The following CYP2R1 variants were observed in gnomAD, a reference collection of about 807,000 sequenced individuals.
CYP2R1 encodes cytochrome P450 family 2 subfamily R member 1.
A neutral mutation model predicts 45.7 loss-of-function variants in CYP2R1; 40 were observed. The observed-to-expected ratio is 0.87, with a 90% CI of 0.68 to 1.14. CYP2R1 has a LOEUF of 1.14. Ranked by LOEUF, CYP2R1 falls within the 50% of genes most tolerant of loss-of-function variation. The probability of loss-of-function intolerance (pLI) is 0.00; values close to 1 mark genes in which losing one functional copy is unlikely to be tolerated. For missense variants in CYP2R1, 605 were observed against 602.6 expected (o/e 1.00, Z -0.04); for synonymous variants, 234 against 219.3 (o/e 1.07, Z -0.59).
At chr11:14,891,787 C>T (rs1848867784) in intron 1 of CYP2R1, 194 bp downstream of exon 1, 1 of 1,402,228 alleles carries the variant, frequency 7.1e-7, no homozygotes, top group Middle Eastern at 2.7e-4. Context: ...GCGGGGCTCC[C>T]CCTGCAAGGG....
upstream of CYP2R1, chr11:14,892,291 A>G (rs1848894523): frequency 2.3e-6 from 3 of 1,331,874 alleles, no homozygotes; most frequent in South Asian, 2.5e-5. Flanking sequence ...TTGGCAGGAT[A>G]CCCTCAGGTC....
At chr11:14,890,220 GAAAAA>G (rs1162076647) in intron 1 of CYP2R1, among the ~76,000 whole-genome samples, 3 of 147,264 alleles carry the variant, frequency 2.0e-5, no homozygotes, top group Admixed American at 6.8e-5. Flanking sequence ...TCACTACCGA[GAAAAA>G]AAAAAGACTC....
intron 2 of CYP2R1, 129 bp downstream of exon 2, chr11:14,885,647 G>A (rs1195076584): frequency 1.0e-6 from 1 of 987,816 alleles, no homozygotes; most frequent in Non-Finnish European, 1.5e-6. Flanking sequence ...TCAAATACTA[G>A]GTTCTGTAAA....
chr11:14,890,403 G>A (rs1848790532), intron 1 of CYP2R1: 2 of 925,604 alleles, frequency 2.2e-6, no homozygotes, highest in Non-Finnish European at 2.6e-6. Context: ...ATTGCAGGTT[G>A]GAAAATAAGA....
At chr11:14,890,467 AAACT>A (rs1192908909) in intron 1 of CYP2R1, 1 of 981,354 alleles carries the variant, frequency 1.0e-6, no homozygotes, top group Non-Finnish European at 1.2e-6. Context: ...TTAACAACGT[AAACT>A]ATTCGTGAAC....
chr11:14,880,436 A>G lies in CYP2R1; in HGVS notation c.700T>C (p.Trp234Arg). 6.2e-7 allele frequency: 1 copy of G among 1,613,474 alleles called. No homozygotes were observed. Among genetic ancestry groups the G allele is most frequent in the African/African-American group, 1.3e-5 (1 of 75,010 alleles). ...ASVFLYNAFP[W>R]IGILPFGKHQ... ...TTTCCAAAAGGCAGGATGCCAATCC[A>G]TGGAAAGGCATTATACAAGAAGACT... Residue 234 changes from tryptophan to arginine, a missense_variant, in exon 3 of 5, where the codon TGG becomes CGG. Trp to Arg is a moderately radical substitution (Grantham distance 101). Coordinates refer to ENST00000334636, the MANE Select transcript of CYP2R1 (RefSeq NM_024514.5).
chr11:14,886,172 C>A, intron 1 of CYP2R1: 1 of 476,826 alleles, frequency 2.1e-6, no homozygotes, highest in Non-Finnish European at 3.8e-6. Flanking sequence ...GTACTGGACT[C>A]GGGAGGCCTG....
chr11:14,880,442 A>G lies in CYP2R1; in HGVS notation c.694T>C (p.Phe232Leu). ...AAAGGCAGGATGCCAATCCATGGAA[A>G]GGCATTATACAAGAAGACTGAGGCA... ...ASASVFLYNAFPWIGILPFGK... is the reference protein window; with the variant it reads ...ASASVFLYNALPWIGILPFGK... The change falls in exon 3 of 5, where the codon TTT (phenylalanine) becomes CTT (leucine). Residue 232 changes from phenylalanine to leucine, a missense_variant. Coordinates refer to ENST00000334636, the MANE Select transcript of CYP2R1 (RefSeq NM_024514.5). 1.2e-6 allele frequency: 2 copies of G among 1,613,486 alleles called. No individual in the cohort carries two copies. Among genetic ancestry groups the G allele is most frequent in the Non-Finnish European group, 1.7e-6 (2 of 1,179,686 alleles).
At position 14,877,983 on chromosome 11, in the gene CYP2R1, A is replaced by T. The variant is rs1848217768; in HGVS notation, c.*139T>A. ...GACTAGTGCTTGTTTCTGCTCTAGT[A>T]CTATTTTAAGACACATCTGTGTTCA... On this transcript the variant is annotated 3_prime_UTR_variant, in exon 5 of 5. Transcript: ENST00000334636. 1.2e-6 allele frequency: 1 copy of T among 822,298 alleles called. No individual in the cohort carries two copies. Among genetic ancestry groups the T allele is most frequent in the Non-Finnish European group, 1.9e-6 (1 of 513,750 alleles). 50.9% of individuals were successfully genotyped at this position (822,298 alleles called of 1,614,324 possible). A position where few individuals can be genotyped will look rare whatever the true frequency, so the allele number is the denominator to read the frequency against.
chr11:14,879,193 T>C lies in CYP2R1; in HGVS notation c.1251A>G (p.Pro417=). ...GAAATCGCTCAGGATGGAACACTTC[T>C]GGGTCTCTCCAGTACTTTTCATCAA... ...VHFDEKYWRD[P]EVFHPERFLD... The change falls in exon 4 of 5, where the codon CCA becomes CCG. Residue 417 remains proline, a synonymous_variant. Coordinates refer to ENST00000334636, the MANE Select transcript of CYP2R1 (RefSeq NM_024514.5). 1 of 1,613,328 alleles carries C rather than the reference T, an allele frequency of 6.2e-7. No individual in the cohort carries two copies. Among genetic ancestry groups the C allele is most frequent in the Non-Finnish European group, 8.5e-7 (1 of 1,179,536 alleles).
Position 14,879,184 on chromosome 11 carries a change from G to C in CYP2R1, c.1260C>G (p.Phe420Leu). The change falls in exon 4 of 5, where the codon TTC becomes TTG. Residue 420 changes from phenylalanine to leucine, a missense_variant. Coordinates refer to ENST00000334636, the MANE Select transcript of CYP2R1 (RefSeq NM_024514.5). Reference sequence around the variant, plus strand: ...TGCTGTCCAGAAATCGCTCAGGATGGAACACTTCTGGGTCTCTCCAGTACT... The same window carrying C: ...TGCTGTCCAGAAATCGCTCAGGATGCAACACTTCTGGGTCTCTCCAGTACT... ...DEKYWRDPEV[F>L]HPERFLDSSG... 2 of 1,613,258 alleles carry C rather than the reference G, an allele frequency of 1.2e-6. No homozygotes were observed. The highest frequency in any genetic ancestry group is 1.7e-6 in the Non-Finnish European group (2 of 1,179,524).
At chr11:14,881,008 G>GCTAGT (rs1336344717) in intron 2 of CYP2R1, among the ~76,000 whole-genome samples, 5 of 152,064 alleles carry the variant, frequency 3.3e-5, no homozygotes, top group Admixed American at 3.3e-4. Context: ...ACCACAAGAA[G>GCTAGT]CTAGTCAGTC....
At chr11:14,891,738 C>G (rs879976879) in intron 1 of CYP2R1, 4 of 1,331,998 alleles carry the variant, frequency 3.0e-6, no homozygotes, top group South Asian at 1.8e-5. Flanking sequence ...AGGACTGGAT[C>G]GCCTCGGAGC....
chr11:14,888,284 C>A (rs1848694744), intron 1 of CYP2R1, among the ~76,000 whole-genome samples: 1 of 152,216 alleles, frequency 6.6e-6, no homozygotes, highest in Admixed American at 6.5e-5. Flanking sequence ...GTTTTGGTCA[C>A]TGCTATATCT....
chr11:14,883,137 C>T (rs1848459831), intron 2 of CYP2R1, among the ~76,000 whole-genome samples: 1 of 152,050 alleles, frequency 6.6e-6, no homozygotes, highest in African/African-American at 2.4e-5. Flanking sequence ...CAATGCCATC[C>T]CCATCAAGCT....
intron 1 of CYP2R1, chr11:14,891,674 C>CG: frequency 1.7e-6 from 2 of 1,164,060 alleles, no homozygotes; most frequent in Admixed American, 4.7e-5. Flanking sequence ...GCGCGGCTGG[C>CG]GAGCCAAACG....
Position 14,880,185 on chromosome 11 carries a change from A to G in CYP2R1, c.951T>C (p.Asn317=), listed in dbSNP as rs1555011470. Residue 317 remains asparagine (N), a synonymous_variant, in exon 3 of 5, where the codon AAT becomes AAC. Transcript: ENST00000334636. ...TGAAAAGAATCGCCCACCGTAGCAC[A>G]TTGGTTGTAGTTTCAGTTCCAGCAA... ...LIIAGTETTT[N]VLRWAILFMA... 1.2e-6 allele frequency: 2 copies of G among 1,612,962 alleles called. No individual in the cohort carries two copies. The highest frequency in any genetic ancestry group is 1.7e-6 in the Non-Finnish European group (2 of 1,179,336).
At position 14,879,201 on chromosome 11, in the gene CYP2R1, T is replaced by G; in HGVS notation, c.1243A>C (p.Arg415=). 6.2e-7 allele frequency: 1 copy of G among 1,613,308 alleles called. No homozygotes were observed. The highest frequency in any genetic ancestry group is 8.5e-7 in the Non-Finnish European group (1 of 1,179,536). Residue 415 remains arginine, a synonymous_variant, in exon 4 of 5, where the codon AGA becomes CGA. Coordinates refer to ENST00000334636, the MANE Select transcript of CYP2R1 (RefSeq NM_024514.5). ...TCAGGATGGAACACTTCTGGGTCTC[T>G]CCAGTACTTTTCATCAAAGTGTACA... ...YSVHFDEKYW[R]DPEVFHPERF...
intron 2 of CYP2R1, among the ~76,000 whole-genome samples, chr11:14,883,041 A>C (rs1848454568): frequency 6.6e-6 from 1 of 152,230 alleles, no homozygotes; most frequent in Non-Finnish European, 1.5e-5. Flanking sequence ...AGAGGAAACA[A>C]ACAAATGGAA....
Sources: allele counts gnomAD v4.1 joint callset (sites outside exome capture counted in the v4.1 genomes callset), GRCh38; gene constraint gnomAD v4.1.1; transcripts MANE v1.5; gene names NCBI Gene and HGNC (gene_info 2026-07-23, HGNC 2026-07-21).